The following MID2 variants were observed in gnomAD, a reference collection of about 807,000 sequenced individuals.
MID2 encodes the protein probable E3 ubiquitin-protein ligase MID2.
Under a neutral mutation model 46.1 loss-of-function variants are expected in MID2, and 13 were observed. That is an observed-to-expected ratio of 0.28 (90% CI 0.18 to 0.45). The LOEUF is 0.45. Ranked by LOEUF, MID2 falls within the 20% of genes least tolerant of loss-of-function variation. The probability of loss-of-function intolerance (pLI) is 1.00; values close to 1 mark genes in which losing one functional copy is unlikely to be tolerated. For missense variants in MID2, 431 were observed against 575.4 expected (o/e 0.75, Z 2.57); for synonymous variants, 199 against 212.3 (o/e 0.94, Z 0.55).
At chrX:107,845,521 A>ACTCTCTCTCT (rs1393665429) in intron 2 of MID2, among the ~76,000 whole-genome samples, 1,764 of 84,826 alleles carry the variant, frequency 0.021, 21 homozygotes, top group East Asian at 0.036. Flanking sequence ...ACACACACAC[A>ACTCTCTCTCT]CACACTCTCT....
intron 1 of MID2, among the ~76,000 whole-genome samples, chrX:107,835,167 C>T (rs766359859): frequency 8.9e-6 from 1 of 112,182 alleles, no homozygotes; most frequent in South Asian, 3.7e-4. Context: ...CTTTTACTTA[C>T]TGTTTTCAAA....
rs1388458102 is a variant in MID2 at position 107,931,031 on chromosome X, A to G, written c.*3958A>G. On this transcript the variant is annotated 3_prime_UTR_variant, in exon 10 of 10. Coordinates refer to ENST00000262843, the MANE Select transcript of MID2 (RefSeq NM_012216.4). ...CATCTGGATGTGTTTTTATTATACA[A>G]TTCTATGTGTATCTTTAGATGCAGT... 8.9e-6 allele frequency among the ~76,000 whole-genome samples: 1 copy of G among 112,505 alleles called. No homozygotes were observed. The highest frequency in any genetic ancestry group is 3.2e-5 in the African/African-American group (1 of 31,001).
At chrX:107,828,592 G>A (rs1283305751) in intron 1 of MID2, among the ~76,000 whole-genome samples, 1 of 111,694 alleles carries the variant, frequency 9.0e-6, no homozygotes, top group African/African-American at 3.3e-5. Context: ...AGGCGAGAGC[G>A]ACAATGCCCA....
At chrX:107,872,581 C>T (rs1004418433) in intron 3 of MID2, among the ~76,000 whole-genome samples, 1 of 112,106 alleles carries the variant, frequency 8.9e-6, no homozygotes, top group Non-Finnish European at 1.9e-5. Context: ...CAGGCCTTTA[C>T]TCGGGTATAG....
intron 3 of MID2, among the ~76,000 whole-genome samples, chrX:107,893,735 C>T (rs960295524): frequency 2.5e-4 from 28 of 111,910 alleles, no homozygotes; most frequent in African/African-American, 7.8e-4. Flanking sequence ...TTATAAGCTG[C>T]GTACACTGAA....
At chrX:107,922,670 T>A (rs973990087) in intron 7 of MID2, among the ~76,000 whole-genome samples, 2 of 111,848 alleles carry the variant, frequency 1.8e-5, no homozygotes, top group South Asian at 3.7e-4. Context: ...AATATATGGA[T>A]GTTTTCTTAT....
chrX:107,926,750 C>T lies in MID2; in HGVS notation c.1885C>T (p.Arg629Cys), dbSNP rs775693104. ...GKNASSWVFSRCNSNFVVRHN... is the reference protein window; with the variant it reads ...GKNASSWVFSCCNSNFVVRHN... The stretch of plus-strand genomic sequence containing the variant: ...GAATGCCTCCTCATGGGTCTTCTCT[C>T]GCTGCAATAGTAACTTCGTGGTGAG... The change falls in exon 10 of 10, where the codon CGC (arginine) becomes TGC (cysteine). Residue 629 changes from arginine (R) to cysteine (C), a missense_variant. Coordinates refer to ENST00000262843, the MANE Select transcript of MID2 (RefSeq NM_012216.4). 9 of 1,211,001 alleles carry T rather than the reference C, an allele frequency of 7.4e-6. No individual in the cohort carries two copies. The highest frequency in any genetic ancestry group is 2.2e-5 in the Admixed American group (1 of 45,975).
intron 2 of MID2, among the ~76,000 whole-genome samples, chrX:107,850,828 C>G (rs1298318855): frequency 8.9e-6 from 1 of 111,820 alleles, no homozygotes; most frequent in African/African-American, 3.3e-5. Flanking sequence ...AAGAGGAACA[C>G]ATAGCAGAGA....
chrX:107,831,135 G>A (rs1312773773), intron 1 of MID2, among the ~76,000 whole-genome samples: 2 of 111,486 alleles, frequency 1.8e-5, no homozygotes, highest in Non-Finnish European at 3.8e-5. Context: ...GGATTCACCT[G>A]AATACACTCT....
intron 7 of MID2, among the ~76,000 whole-genome samples, chrX:107,918,622 A>G (rs1933013755): frequency 9.0e-6 from 1 of 111,166 alleles, no homozygotes; most frequent in Non-Finnish European, 1.9e-5. Flanking sequence ...AGATGAGAGG[A>G]CATTTGGGGA....
chrX:107,923,095 A>C (rs1424691778), intron 7 of MID2, among the ~76,000 whole-genome samples: 2 of 112,040 alleles, frequency 1.8e-5, no homozygotes, highest in African/African-American at 6.5e-5. Flanking sequence ...GTTTTAACTT[A>C]GGCTCTTCAA....
chrX:107,888,103 GT>G (rs1473212945), intron 3 of MID2, among the ~76,000 whole-genome samples: 1 of 111,624 alleles, frequency 9.0e-6, no homozygotes, highest in Non-Finnish European at 1.9e-5. Context: ...TTTTTGAAGG[GT>G]TTTTTGTGTC....
At chrX:107,859,149 T>C (rs1188092572) in intron 3 of MID2, among the ~76,000 whole-genome samples, 1 of 111,890 alleles carries the variant, frequency 8.9e-6, no homozygotes, top group Non-Finnish European at 1.9e-5. Flanking sequence ...GGCAAGAATC[T>C]TGGAGTCTAT....
chrX:107,876,319 C>T (rs1016382550), intron 3 of MID2, among the ~76,000 whole-genome samples: 1 of 111,438 alleles, frequency 9.0e-6, no homozygotes, highest in African/African-American at 3.3e-5. Flanking sequence ...CTGCAGTTTC[C>T]TCCTAATATC....
intron 5 of MID2, among the ~76,000 whole-genome samples, chrX:107,913,908 G>A (rs1248094426): frequency 4.5e-5 from 5 of 111,767 alleles, no homozygotes; most frequent in South Asian, 7.5e-4. Flanking sequence ...CGTTTGTAAC[G>A]TGGCCTACAA....
intron 2 of MID2, 29 bp downstream of exon 2, chrX:107,841,414 C>T (rs1157003237): frequency 9.4e-7 from 1 of 1,069,487 alleles, no homozygotes; most frequent in Non-Finnish European, 1.3e-6. Context: ...ATCCCCTATA[C>T]AACTTTGTCG....
intron 3 of MID2, among the ~76,000 whole-genome samples, chrX:107,887,785 A>G (rs1368101244): frequency 1.8e-5 from 2 of 112,040 alleles, no homozygotes; most frequent in African/African-American, 6.5e-5. Context: ...GCTATTAATT[A>G]TTGCCTCAAT....
intron 3 of MID2, among the ~76,000 whole-genome samples, chrX:107,860,817 GAGAT>G (rs1001338383): frequency 8.9e-6 from 1 of 112,174 alleles, no homozygotes; most frequent in African/African-American, 3.2e-5. Flanking sequence ...ACAGCTCTGT[GAGAT>G]AGACACTGTT....
At chrX:107,850,173 C>T (rs760713466) in intron 2 of MID2, among the ~76,000 whole-genome samples, 7 of 94,029 alleles carry the variant, frequency 7.4e-5, no homozygotes, top group Non-Finnish European at 1.4e-4. Flanking sequence ...TAGACACACA[C>T]ATCCACACAC....
Sources: gnomAD v4.1 joint callset for allele counts (sites outside exome capture counted in the v4.1 genomes callset) on GRCh38, gnomAD v4.1.1 for gene constraint, MANE v1.5 for transcripts, NCBI Gene and HGNC (gene_info 2026-07-23, HGNC 2026-07-21) for gene names.